GNG2: variants seen among roughly 807,000 people sequenced by gnomAD.
GNG2 encodes G protein subunit gamma 2, also known as guanine nucleotide-binding protein G(I)/G(S)/G(O) subunit gamma-2.
A neutral mutation model predicts 5.5 loss-of-function variants in GNG2; 5 were observed. That is an observed-to-expected ratio of 0.91 (90% CI 0.48 to 1.92). GNG2 has a LOEUF of 1.92. GNG2 is among the 30% of genes most tolerant of loss of function. The pLI is 0.01. For missense variants in GNG2, 55 were observed against 88.4 expected (o/e 0.62, Z 1.52); for synonymous variants, 28 against 32.0 (o/e 0.88, Z 0.42).
chr14:51,870,556 G>A (rs1381941714), intron 1 of GNG2, among the ~76,000 whole-genome samples: 1 of 152,262 alleles, frequency 6.6e-6, no homozygotes, highest in Non-Finnish European at 1.5e-5. Context: ...AGCTAGAGAC[G>A]CCAAGCATTC....
At chr14:51,898,483 A>G (rs1885345448) in intron 2 of GNG2, among the ~76,000 whole-genome samples, 1 of 152,208 alleles carries the variant, frequency 6.6e-6, no homozygotes, top group South Asian at 2.1e-4. Context: ...AAAGTGAAAG[A>G]TACAAGCAAG....
upstream of GNG2, among the ~76,000 whole-genome samples, chr14:51,857,022 T>A (rs920402090): frequency 6.6e-6 from 1 of 152,226 alleles, no homozygotes. Flanking sequence ...TGCCTTTTCA[T>A]TATACAAACA....
rs1359294573 is a variant in GNG2, at chr14:51,950,201, G to A, written c.-29-449G>A. On this transcript the variant is annotated intron_variant, in intron 2 of 3. Coordinates refer to ENST00000556766, the MANE Select transcript of GNG2 (RefSeq NM_053064.5). ...TTGGCATGATAGATGTGTCCCTGAG[G>A]AATTATGAGTAAAGTAGATCGTTGT... Among the ~76,000 whole-genome samples the A allele has an allele frequency of 2.6e-5, 4 of 152,306 alleles. No homozygotes were observed. The East Asian group carries it at 7.7e-4, about 29-fold the overall frequency.
At chr14:51,894,312 A>G (rs1016520896) in intron 2 of GNG2, among the ~76,000 whole-genome samples, 1 of 152,110 alleles carries the variant, frequency 6.6e-6, no homozygotes, top group Non-Finnish European at 1.5e-5. Context: ...ATTTGGTAAA[A>G]TGGCTGGGTG....
intron 1 of GNG2, chr14:51,861,253 T>C (rs2140101434): frequency 6.6e-6 from 1 of 152,332 alleles, no homozygotes; most frequent in Non-Finnish European, 1.5e-5. Context: ...AGTTAAATTC[T>C]TTTGTACTTA....
intron 2 of GNG2, among the ~76,000 whole-genome samples, chr14:51,946,441 C>T (rs943190178): frequency 3.9e-5 from 6 of 151,976 alleles, no homozygotes; most frequent in East Asian, 1.9e-4. Context: ...TTCTACATTG[C>T]GGTCAGTTTA....
At chr14:51,910,142 A>G (rs1693203) in intron 2 of GNG2, among the ~76,000 whole-genome samples, 59,254 of 151,762 alleles carry the variant, frequency 0.39, 12,603 homozygotes, top group East Asian at 0.69. Flanking sequence ...ATAATCACAA[A>G]TATAGATTTG....
intron 2 of GNG2, among the ~76,000 whole-genome samples, chr14:51,929,294 G>A (rs1482192214): frequency 1.3e-5 from 2 of 152,218 alleles, no homozygotes; most frequent in African/African-American, 4.8e-5. Context: ...TGGGGCCACG[G>A]ACTGTTTCTG....
chr14:51,880,103 C>A (rs777102343), intron 2 of GNG2, among the ~76,000 whole-genome samples: 1 of 152,182 alleles, frequency 6.6e-6, no homozygotes, highest in Non-Finnish European at 1.5e-5. Flanking sequence ...CTTGAAGTGT[C>A]TGGCATTGGA....
At chr14:51,945,893 G>C (rs536130167) in intron 2 of GNG2, among the ~76,000 whole-genome samples, 13 of 142,518 alleles carry the variant, frequency 9.1e-5, no homozygotes, top group African/African-American at 2.6e-4. Context: ...TTCCTCTCAC[G>C]TTGCGTTGTT....
intron 1 of GNG2, among the ~76,000 whole-genome samples, chr14:51,875,716 AAC>A (rs1283035251): frequency 3.3e-5 from 5 of 150,762 alleles, no homozygotes; most frequent in Non-Finnish European, 7.4e-5. Context: ...TATTAGAAAA[AAC>A]ATATGTAAAT....
chr14:51,866,284 C>T (rs1039434997), intron 1 of GNG2, among the ~76,000 whole-genome samples: 5 of 152,196 alleles, frequency 3.3e-5, no homozygotes, highest in Non-Finnish European at 5.9e-5. Context: ...CACTGCATCT[C>T]CGCAGGGCCA....
intron 2 of GNG2, among the ~76,000 whole-genome samples, chr14:51,892,410 C>T: frequency 6.6e-6 from 1 of 151,900 alleles, no homozygotes; most frequent in East Asian, 1.9e-4. Context: ...CTCCTGGGTT[C>T]AAGCGGTTCT....
At chr14:51,923,245 A>C (rs1452677706) in intron 2 of GNG2, among the ~76,000 whole-genome samples, 1 of 152,096 alleles carries the variant, frequency 6.6e-6, no homozygotes, top group Non-Finnish European at 1.5e-5. Flanking sequence ...CCAGAGTGAG[A>C]GGGAGCATTT....
At chr14:51,831,480 C>G (rs1881186831) in intron 2 of GNG2, among the ~76,000 whole-genome samples, 1 of 152,190 alleles carries the variant, frequency 6.6e-6, no homozygotes, top group African/African-American at 2.4e-5. Flanking sequence ...GCAAGGGGGA[C>G]AGCCTTGATC....
intron 2 of GNG2, among the ~76,000 whole-genome samples, chr14:51,918,032 C>T (rs181966445): frequency 1.1e-5 from 1 of 89,070 alleles, no homozygotes; most frequent in East Asian, 3.5e-4. Flanking sequence ...TCTCAAAAAA[C>T]AAACCAAAAA....
chr14:51,913,946 CAT>C (rs973545037), intron 2 of GNG2, among the ~76,000 whole-genome samples: 2 of 152,074 alleles, frequency 1.3e-5, no homozygotes, highest in Admixed American at 6.5e-5. Flanking sequence ...CTTTTTCATA[CAT>C]ATGTTTCATT....
At chr14:51,892,412 A>G (rs1354720685) in intron 2 of GNG2, among the ~76,000 whole-genome samples, 3 of 151,954 alleles carry the variant, frequency 2.0e-5, no homozygotes, top group Admixed American at 6.6e-5. Flanking sequence ...CCTGGGTTCA[A>G]GCGGTTCTCC....
chr14:51,928,597 G>A (rs1887477266), intron 2 of GNG2, among the ~76,000 whole-genome samples: 1 of 152,176 alleles, frequency 6.6e-6, no homozygotes, highest in Non-Finnish European at 1.5e-5. Flanking sequence ...AACGGATTCA[G>A]TTTTATCTCA....
Sources: gnomAD v4.1 joint callset for allele counts (sites outside exome capture counted in the v4.1 genomes callset) on GRCh38, gnomAD v4.1.1 for gene constraint, MANE v1.5 for transcripts, NCBI Gene and HGNC (gene_info 2026-07-23, HGNC 2026-07-21) for gene names.